Variants in MBP observed in about 807,000 individuals in gnomAD.
MBP encodes myelin basic protein, also known as Golli-MBP.
In MBP, 16 loss-of-function variants were observed where a neutral mutation model predicts 35.8. That is an observed-to-expected ratio of 0.45 (90% confidence interval 0.30 to 0.68). The LOEUF is 0.68. Ranked by LOEUF, MBP falls within the 30% of genes least tolerant of loss-of-function variation. The probability of loss-of-function intolerance (pLI) is 0.08; values close to 1 mark genes in which losing one functional copy is unlikely to be tolerated. For synonymous variants in MBP, 143 were observed against 159.6 expected, an observed-to-expected ratio of 0.90 and a Z score of 0.78; for missense variants, 380 against 404.7, an observed-to-expected ratio of 0.94 and a Z score of 0.52.
intron 2 of MBP, among the ~76,000 whole-genome samples, chr18:77,085,115 A>G (rs1223782596): frequency 1.3e-5 from 2 of 152,196 alleles, no homozygotes; most frequent in African/African-American, 4.8e-5. Flanking sequence ...ATTGCACATT[A>G]TTAAAAACAG....
At chr18:76,985,294 G>C in intron 7 of MBP, 1 of 1,303,764 alleles carries the variant, frequency 7.7e-7, no homozygotes, top group East Asian at 5.2e-5. Flanking sequence ...TGGAGGACTC[G>C]GACCCTGGGG....
chr18:77,117,885 A>G (rs1404656626), intron 1 of MBP, among the ~76,000 whole-genome samples: 5 of 23,008 alleles, frequency 2.2e-4, no homozygotes, highest in African/African-American at 2.3e-4. Flanking sequence ...AGTGGGTTGG[A>G]GTGGGAGGGG....
At chr18:76,992,605 G>T (rs372465794) in intron 4 of MBP, among the ~76,000 whole-genome samples, 1 of 152,130 alleles carries the variant, frequency 6.6e-6, no homozygotes, top group Non-Finnish European at 1.5e-5. Context: ...GGGCCCTAAC[G>T]TGGTGAGGCT....
chr18:76,984,012 C>G (rs1469083800), intron 8 of MBP: 1 of 152,242 alleles, frequency 6.6e-6, no homozygotes, highest in Non-Finnish European at 1.5e-5. Context: ...GCTCCCAGAG[C>G]CTTTGGCTTC....
At chr18:76,990,908 G>A (rs9676113) in intron 4 of MBP, 195,810 of 302,728 alleles carry the variant, frequency 0.65, 67,531 homozygotes, top group Non-Finnish European at 0.75. Flanking sequence ...CTCAGTGTGC[G>A]GCTCTCCTGA....
intron 3 of MBP, among the ~76,000 whole-genome samples, chr18:77,045,203 T>A (rs527532714): frequency 1.3e-5 from 2 of 152,164 alleles, no homozygotes; most frequent in African/African-American, 4.8e-5. Context: ...CAACAGCAAG[T>A]GGACAGAGGT....
rs372158144 is a variant in MBP, at chr18:76,984,912, G to A, written c.751-18C>T. 4 of 1,611,994 alleles carry A rather than the reference G, an allele frequency of 2.5e-6. No individual in the cohort carries two copies. The highest frequency in any genetic ancestry group is 1.3e-5 in the African/African-American group (1 of 75,020). ...TCGGCCCCCTGCAAGAGAAGACCACGGAGCTCAACCTCCACCCGCGGTGCT... is the reference window on the plus strand; with the variant it reads ...TCGGCCCCCTGCAAGAGAAGACCACAGAGCTCAACCTCCACCCGCGGTGCT... On this transcript the variant is annotated intron_variant, in intron 7 of 8. Coordinates refer to ENST00000355994, the MANE Select transcript of MBP (RefSeq NM_001025101.2).
At position 77,038,156 on chromosome 18, in the gene MBP, A is replaced by G. The variant is rs1248317339; in HGVS notation, c.140-20888T>C. 2.0e-5 allele frequency among the ~76,000 whole-genome samples: 3 copies of G among 152,368 alleles called. No individual in the cohort carries two copies. The East Asian group carries it at 5.8e-4, about 29-fold the overall frequency. Reference sequence around the variant, plus strand: ...ATACACTGAAAGACGAATCACATCCACATGCGAGCCGCATAGAAATTAAGA... The same window carrying G: ...ATACACTGAAAGACGAATCACATCCGCATGCGAGCCGCATAGAAATTAAGA... On this transcript the variant is annotated intron_variant, in intron 3 of 8. Coordinates refer to ENST00000355994, the MANE Select transcript of MBP (RefSeq NM_001025101.2).
rs774761131 is a variant in MBP, at chr18:76,989,069, G to C, written c.682-157C>G. ...CACTTCTGTCCTAGTTGGTGAAGAA[G>C]TATAGACCTGAGATTGAAAATATTC... is the stretch of plus-strand genomic sequence containing the variant. On this transcript the variant is annotated intron_variant, in intron 5 of 8. Coordinates refer to ENST00000355994, the MANE Select transcript of MBP (RefSeq NM_001025101.2). This position sits in a 1 kb window ranked among gnomAD's most constrained non-coding sequence, Gnocchi z 4.0. The C allele has an allele frequency of 1.3e-6, 1 of 757,300 alleles. No homozygotes were observed. Among genetic ancestry groups the C allele is most frequent in the Non-Finnish European group, 2.4e-6 (1 of 410,392 alleles). 46.9% of individuals were successfully genotyped at this position (757,300 alleles called of 1,614,324 possible).
intron 2 of MBP, among the ~76,000 whole-genome samples, chr18:77,103,968 C>A (rs73493042): frequency 0.013 from 1,986 of 152,302 alleles, 48 homozygotes; most frequent in African/African-American, 0.044. Context: ...TCTTACTAGC[C>A]GGAAGGATTC....
intron 4 of MBP, chr18:77,005,122 T>C (rs1970863636): frequency 6.6e-6 from 1 of 152,262 alleles, no homozygotes; most frequent in Admixed American, 6.5e-5. Context: ...TGCATTTTTC[T>C]GATCTGGGTT....
chr18:77,010,425 A>G (rs2026446293), intron 4 of MBP, among the ~76,000 whole-genome samples: 1 of 152,192 alleles, frequency 6.6e-6, no homozygotes, highest in Non-Finnish European at 1.5e-5. Flanking sequence ...TTTTTCTTTT[A>G]TAGCAAGTGT....
chr18:77,115,896 G>A (rs1976645235), intron 1 of MBP, among the ~76,000 whole-genome samples: 1 of 151,624 alleles, frequency 6.6e-6, no homozygotes, highest in South Asian at 2.1e-4. Context: ...AGGAAAAGAA[G>A]GCAATGTGTG....
At chr18:76,990,216 T>C (rs1337708848) in intron 4 of MBP, among the ~76,000 whole-genome samples, 156 bp from the exon 5 acceptor site, 2 of 151,900 alleles carry the variant, frequency 1.3e-5, no homozygotes, top group Non-Finnish European at 2.9e-5. Flanking sequence ...ATAGATGGTA[T>C]CTAGACTATC....
chr18:77,119,841 G>A (rs1279746174), intron 1 of MBP, among the ~76,000 whole-genome samples: 7 of 152,204 alleles, frequency 4.6e-5, no homozygotes, highest in Middle Eastern at 3.2e-3. Context: ...CAAGGTGGTC[G>A]TGGCTGTGGA....
intron 3 of MBP, among the ~76,000 whole-genome samples, chr18:77,037,004 C>A (rs371608091): frequency 7.6e-6 from 1 of 130,908 alleles, no homozygotes; most frequent in Non-Finnish European, 1.6e-5. Context: ...CTGAGCTGAG[C>A]AAGTGCTGGT....
In MBP at chr18:77,131,845, C is replaced by A. The variant is rs1977284668; in HGVS notation, c.-26+735G>T. ...TGCCGGGAAGACCCGGGCGGGCCGG[C>A]GGGCGGCTGCGGGCGGCGCACGTGG... On this transcript the variant is annotated intron_variant, in intron 1 of 8. Coordinates refer to ENST00000355994, the MANE Select transcript of MBP (RefSeq NM_001025101.2). The surrounding 1 kb of genome is among the most constrained non-coding windows in gnomAD (Gnocchi z 5.5). Among the ~76,000 whole-genome samples, 1 of 152,002 alleles carries A rather than the reference C, an allele frequency of 6.6e-6. No homozygotes were observed.
intron 3 of MBP, among the ~76,000 whole-genome samples, chr18:77,049,126 A>G (rs470980): frequency 0.02 from 2,977 of 151,404 alleles, 114 homozygotes; most frequent in African/African-American, 0.067. Context: ...TCACCGTGTT[A>G]GCCTGGATGG....
At chr18:76,991,616 C>A (rs1445590369) in intron 4 of MBP, among the ~76,000 whole-genome samples, 1 of 152,128 alleles carries the variant, frequency 6.6e-6, no homozygotes, top group African/African-American at 2.4e-5. Context: ...TCAGTTTTCC[C>A]CTCGCTTTCT....
Sources: allele counts gnomAD v4.1 joint callset (sites outside exome capture counted in the v4.1 genomes callset), GRCh38; gene constraint gnomAD v4.1.1; non-coding constraint Gnocchi (gnomAD v3.1); transcripts MANE v1.5; gene names NCBI Gene and HGNC (gene_info 2026-07-23, HGNC 2026-07-21).